FANCC: variants seen among roughly 807,000 people sequenced by gnomAD.
The protein encoded by FANCC is Fanconi anemia group C protein.
A neutral mutation model predicts 71.3 loss-of-function variants in FANCC; 55 were observed. That is an observed-to-expected ratio of 0.77 (90% CI 0.62 to 0.97). The LOEUF is 0.97. Ranked by LOEUF, FANCC falls within the 50% of genes least tolerant of loss-of-function variation. The pLI is 0.00. For missense variants in FANCC, 678 were observed against 670.9 expected, an observed-to-expected ratio of 1.01 and a Z score of -0.12; for synonymous variants, 275 against 244.9, an observed-to-expected ratio of 1.12 and a Z score of -1.15.
chr9:95,204,488 T>C (rs1280881592), intron 4 of FANCC, among the ~76,000 whole-genome samples: 1 of 152,208 alleles, frequency 6.6e-6, no homozygotes, highest in African/African-American at 2.4e-5. Flanking sequence ...GATTAAGAAC[T>C]TTCAAAACAC....
At chr9:95,104,955 G>A (rs769687838) in intron 14 of FANCC, among the ~76,000 whole-genome samples, 7 of 152,178 alleles carry the variant, frequency 4.6e-5, no homozygotes, top group Non-Finnish European at 8.8e-5. Context: ...TGTCTCTCGC[G>A]TCTGGCTTAT....
At chr9:95,134,208 G>A (rs770120668) in intron 8 of FANCC, among the ~76,000 whole-genome samples, 1 of 152,152 alleles carries the variant, frequency 6.6e-6, no homozygotes, top group Non-Finnish European at 1.5e-5. Context: ...ACGGGATCGC[G>A]GAGGAAGGCA....
intron 1 of FANCC, among the ~76,000 whole-genome samples, chr9:95,273,614 T>C (rs1219414607): frequency 2.0e-5 from 3 of 152,252 alleles, no homozygotes; most frequent in Non-Finnish European, 4.4e-5. Flanking sequence ...TGTGGCTTTT[T>C]TTGTTCCCCC....
intron 4 of FANCC, among the ~76,000 whole-genome samples, chr9:95,180,812 G>A (rs888381843): frequency 2.6e-5 from 4 of 151,856 alleles, no homozygotes; most frequent in African/African-American, 9.7e-5. Context: ...TGTTTACCTA[G>A]AATCACCACA....
intron 6 of FANCC, among the ~76,000 whole-genome samples, chr9:95,167,753 G>A (rs1327935913): frequency 2.0e-5 from 3 of 152,054 alleles, no homozygotes; most frequent in Non-Finnish European, 4.4e-5. Flanking sequence ...CTCTTGTAGT[G>A]CCTTGAGATC....
intron 4 of FANCC, among the ~76,000 whole-genome samples, chr9:95,220,522 G>A (rs987579167): frequency 6.6e-6 from 1 of 152,172 alleles, no homozygotes. Flanking sequence ...TATACAGCAT[G>A]GAATACTATG....
chr9:95,226,076 C>T (rs1410983176), intron 4 of FANCC, among the ~76,000 whole-genome samples: 1 of 152,176 alleles, frequency 6.6e-6, no homozygotes, highest in Admixed American at 6.5e-5. Context: ...CATATTTACA[C>T]TGCAAAACTA....
At chr9:95,160,800 G>C in intron 6 of FANCC, among the ~76,000 whole-genome samples, 1 of 152,054 alleles carries the variant, frequency 6.6e-6, no homozygotes, top group Non-Finnish European at 1.5e-5. Flanking sequence ...ATTGTGAGTG[G>C]GAGTTCACTC....
At chr9:95,255,404 C>T (rs1372116800) in intron 1 of FANCC, among the ~76,000 whole-genome samples, 1 of 152,124 alleles carries the variant, frequency 6.6e-6, no homozygotes, top group Admixed American at 6.6e-5. Flanking sequence ...ACTGGTGATA[C>T]CCAGGCAAAC....
At chr9:95,160,695 T>G (rs965356718) in intron 6 of FANCC, among the ~76,000 whole-genome samples, 1 of 152,202 alleles carries the variant, frequency 6.6e-6, no homozygotes, top group Non-Finnish European at 1.5e-5. Context: ...GTGTCTTCTT[T>G]TATTTCCTTG....
At chr9:95,104,640 A>G (rs1217750228) in intron 14 of FANCC, among the ~76,000 whole-genome samples, 1 of 152,182 alleles carries the variant, frequency 6.6e-6, no homozygotes, top group Non-Finnish European at 1.5e-5. Context: ...AGATGGAAAC[A>G]TGGCATCAGG....
chr9:95,293,156 G>A (rs56341034), intron 1 of FANCC: 1 of 1,613,048 alleles, frequency 6.2e-7, no homozygotes, highest in African/African-American at 1.3e-5. Flanking sequence ...GAAGACTCTT[G>A]TGGCTCTAAC....
At chr9:95,293,199 C>G in intron 1 of FANCC, 9 of 1,611,902 alleles carry the variant, frequency 5.6e-6, no homozygotes, top group Non-Finnish European at 7.6e-6. Context: ...ACAACATCAC[C>G]GAGATAGCCT....
intron 1 of FANCC, among the ~76,000 whole-genome samples, chr9:95,312,989 C>G (rs1478060452): frequency 6.6e-6 from 1 of 152,188 alleles, no homozygotes; most frequent in Admixed American, 6.5e-5. Context: ...CCACCACAGG[C>G]TCAGTTACAA....
At chr9:95,184,328 C>T (rs1826572821) in intron 4 of FANCC, among the ~76,000 whole-genome samples, 1 of 151,732 alleles carries the variant, frequency 6.6e-6, no homozygotes, top group South Asian at 2.1e-4. Flanking sequence ...GAAAATTGGC[C>T]AATTTTCTTA....
intron 4 of FANCC, among the ~76,000 whole-genome samples, chr9:95,211,224 G>T (rs1828475315): frequency 6.6e-6 from 1 of 152,028 alleles, no homozygotes; most frequent in South Asian, 2.1e-4. Flanking sequence ...TTCTGAATCA[G>T]GGCTGGAGAG....
At chr9:95,108,959 G>A (rs140938534) in intron 13 of FANCC, among the ~76,000 whole-genome samples, 1,876 of 150,752 alleles carry the variant, frequency 0.012, 28 homozygotes, top group South Asian at 0.046. Context: ...AGGCTGGAAT[G>A]CAGTGGTGCA....
chr9:95,229,272 T>A (rs545525165), intron 4 of FANCC, among the ~76,000 whole-genome samples: 9 of 140,258 alleles, frequency 6.4e-5, no homozygotes, highest in Non-Finnish European at 7.5e-5. Flanking sequence ...CACTTCAGCC[T>A]GAGCGACAGG....
chr9:95,201,210 AT>A (rs985447358), intron 4 of FANCC, among the ~76,000 whole-genome samples: 20 of 149,016 alleles, frequency 1.3e-4, no homozygotes, highest in South Asian at 1.1e-3. Context: ...AATAAAAAAA[AT>A]TTTTTTTTTT....
Sources: allele counts gnomAD v4.1 joint callset (sites outside exome capture counted in the v4.1 genomes callset), GRCh38; gene constraint gnomAD v4.1.1; transcripts MANE v1.5; gene names NCBI Gene and HGNC (gene_info 2026-07-23, HGNC 2026-07-21).